The following ARL13B variants were observed in gnomAD, a reference collection of about 807,000 sequenced individuals.
ARL13B encodes ARF like GTPase 13B.
A neutral mutation model predicts 56.1 loss-of-function variants in ARL13B; 36 were observed. That is an observed-to-expected ratio of 0.64 (90% CI 0.49 to 0.85). The LOEUF (loss-of-function observed/expected upper bound fraction) is 0.85. Among genes scored for constraint, ARL13B ranks in the 40% least tolerant of loss-of-function variants. The probability of loss-of-function intolerance (pLI) is 0.00; values close to 1 mark genes in which losing one functional copy is unlikely to be tolerated. For synonymous variants in ARL13B, 178 were observed against 171.1 expected, an observed-to-expected ratio of 1.04 and a Z score of -0.32; for missense variants, 519 against 507.1, an observed-to-expected ratio of 1.02 and a Z score of -0.23.
chr3:94,039,997 G>T lies in ARL13B; in HGVS notation c.798+9G>T. On this transcript the variant is annotated intron_variant, in intron 6 of 9. Coordinates refer to ENST00000394222, the MANE Select transcript of ARL13B (RefSeq NM_001174150.2). ...CATCTGTAATCATTGAGGTATGAAT[G>T]ATGGCAAATGTAATTTTTGTATCTT... 6.2e-7 allele frequency: 1 copy of T among 1,610,006 alleles called. No homozygotes were observed. Among genetic ancestry groups the T allele is most frequent in the Non-Finnish European group, 8.5e-7 (1 of 1,176,766 alleles).
chr3:94,014,626 C>T, intron 3 of ARL13B: 1 of 1,613,488 alleles, frequency 6.2e-7, no homozygotes, highest in Non-Finnish European at 8.5e-7. Context: ...TTCCTTGTGT[C>T]TCTGTTCAAT....
chr3:94,040,140 A>G (rs1191136126), intron 6 of ARL13B, 152 bp downstream of exon 6: 1 of 694,968 alleles, frequency 1.4e-6, no homozygotes, highest in African/African-American at 1.8e-5. Flanking sequence ...AGACTGATTA[A>G]AGGTTTACTG....
At chr3:93,988,215 T>A (rs1710560892) in intron 1 of ARL13B, among the ~76,000 whole-genome samples, 2 of 151,910 alleles carry the variant, frequency 1.3e-5, no homozygotes, top group African/African-American at 4.8e-5. Context: ...CAAGGAGTGG[T>A]TTTCTTTAGG....
Position 94,039,943 on chromosome 3 carries a change from A to G in ARL13B, c.753A>G (p.Pro251=), listed in dbSNP as rs1236831070. 3.1e-6 allele frequency: 5 copies of G among 1,614,152 alleles called. No individual in the cohort carries two copies. Among genetic ancestry groups the G allele is most frequent in the South Asian group, 1.1e-5 (1 of 91,072 alleles). The change falls in exon 6 of 10, where the codon CCA becomes CCG. Residue 251 remains proline (P), a synonymous_variant. Transcript: ENST00000394222. ...CCAGTGGTCTGGCTGAGTTGGACCCAGAACCAACGAATCCTTTCCAGCCAA... is the reference window on the plus strand; with the variant it reads ...CCAGTGGTCTGGCTGAGTTGGACCCGGAACCAACGAATCCTTTCCAGCCAA... ...DGTSGLAELD[P]EPTNPFQPIA...
At chr3:94,032,502 T>C (rs2076693641) in intron 3 of ARL13B, among the ~76,000 whole-genome samples, 1 of 152,162 alleles carries the variant, frequency 6.6e-6, no homozygotes, top group Non-Finnish European at 1.5e-5. Flanking sequence ...GATTTCTTTT[T>C]TTTTTTTCTT....
chr3:94,020,676 G>A (rs536550729), intron 3 of ARL13B, among the ~76,000 whole-genome samples: 115 of 152,288 alleles, frequency 7.6e-4, no homozygotes, highest in African/African-American at 2.7e-3. Flanking sequence ...AACATTTGCT[G>A]TATTACTTTA....
chr3:94,053,470 A>G lies in ARL13B; in HGVS notation c.*207A>G. 2 of 674,268 alleles carry G rather than the reference A, an allele frequency of 3.0e-6. No individual in the cohort carries two copies. Among genetic ancestry groups the G allele is most frequent in the South Asian group, 3.0e-5 (2 of 66,502 alleles). The allele number at this position is 674,268 out of a possible 1,614,324, so 41.8% of individuals were successfully genotyped here. On this transcript the variant is annotated 3_prime_UTR_variant, in exon 10 of 10. Coordinates refer to ENST00000394222, the MANE Select transcript of ARL13B (RefSeq NM_001174150.2). ...AAAAAATAAAAGAAGCACAATGACCAGTACATGAAATCAGCATTTGGACCA... is the reference window on the plus strand; with the variant it reads ...AAAAAATAAAAGAAGCACAATGACCGGTACATGAAATCAGCATTTGGACCA...
chr3:94,003,549 G>A, intron 2 of ARL13B, 110 bp from the exon 3 acceptor site: 1 of 1,216,456 alleles, frequency 8.2e-7, no homozygotes, highest in Non-Finnish European at 1.2e-6. Context: ...AATGTTTATT[G>A]TGTCAGTGAA....
chr3:94,041,565 A>G (rs952908643), intron 6 of ARL13B, among the ~76,000 whole-genome samples: 3 of 152,196 alleles, frequency 2.0e-5, no homozygotes, highest in African/African-American at 7.2e-5. Flanking sequence ...ATACTACCCA[A>G]TTTTTAAAGA....
chr3:93,992,255 A>G (rs190326442), intron 1 of ARL13B, among the ~76,000 whole-genome samples: 201 of 152,248 alleles, frequency 1.3e-3, no homozygotes, highest in Non-Finnish European at 1.5e-3. Flanking sequence ...GAGAACAAGG[A>G]GTTATTTTTC....
Position 93,980,284 on chromosome 3 carries a change from G to T in ARL13B, c.-140G>T. The stretch of plus-strand genomic sequence containing the variant: ...GCAAGGCTTAGTGCTCGGGCCGGCC[G>T]CCTTCACTTCCCTCCCGGCTTTTCC... On this transcript the variant is annotated 5_prime_UTR_variant, in exon 1 of 10. Coordinates refer to ENST00000394222, the MANE Select transcript of ARL13B (RefSeq NM_001174150.2). 4 of 1,125,532 alleles carry T rather than the reference G, an allele frequency of 3.6e-6. No homozygotes were observed. The highest frequency in any genetic ancestry group is 5.2e-6 in the Non-Finnish European group (4 of 761,950). The allele number at this position is 1,125,532 out of a possible 1,614,324, so 69.7% of individuals were successfully genotyped here. A position where few individuals can be genotyped will look rare whatever the true frequency, so the allele number is the denominator to read the frequency against.
intron 3 of ARL13B, among the ~76,000 whole-genome samples, chr3:94,032,115 C>T (rs952047590): frequency 6.6e-6 from 1 of 152,164 alleles, no homozygotes; most frequent in Non-Finnish European, 1.5e-5. Flanking sequence ...AAGAAGTAAT[C>T]AATGGAGCAA....
chr3:94,031,813 A>G (rs755535314), intron 3 of ARL13B, among the ~76,000 whole-genome samples: 4 of 152,228 alleles, frequency 2.6e-5, no homozygotes, highest in African/African-American at 7.2e-5. Flanking sequence ...GAATAGATCA[A>G]TGGAAAAGAA....
At chr3:93,980,912 G>C (rs1345975968) in intron 1 of ARL13B, among the ~76,000 whole-genome samples, 1 of 152,096 alleles carries the variant, frequency 6.6e-6, no homozygotes, top group Non-Finnish European at 1.5e-5. Flanking sequence ...GAGGACGTGG[G>C]CTTGAAATCT....
At position 94,054,600 on chromosome 3, in the gene ARL13B, C is replaced by T; in HGVS notation, c.*1337C>T. On this transcript the variant is annotated 3_prime_UTR_variant, in exon 10 of 10. Coordinates refer to ENST00000394222, the MANE Select transcript of ARL13B (RefSeq NM_001174150.2). ...ACAGACATGTGCTAGTATCTGATAA[C>T]ATTAAGTACATTTTATGTCGTTTAA... The T allele has an allele frequency of 2.6e-6, 1 of 383,210 alleles. No homozygotes were observed. Among genetic ancestry groups the T allele is most frequent in the Non-Finnish European group, 5.1e-6 (1 of 197,410 alleles). 23.7% of individuals were successfully genotyped at this position (383,210 alleles called of 1,614,324 possible). A position where few individuals can be genotyped will look rare whatever the true frequency, so the allele number is the denominator to read the frequency against.
intron 3 of ARL13B, among the ~76,000 whole-genome samples, chr3:94,027,148 A>G (rs1445645686): frequency 6.6e-6 from 1 of 152,092 alleles, no homozygotes; most frequent in East Asian, 1.9e-4. Flanking sequence ...ACCAGTTTTT[A>G]CCCAAGAGAA....
intron 3 of ARL13B, among the ~76,000 whole-genome samples, chr3:94,029,358 T>A (rs1462552604): frequency 1.5e-5 from 2 of 136,358 alleles, no homozygotes; most frequent in African/African-American, 2.8e-5. Flanking sequence ...TATTTTTTTT[T>A]TTTTTTGAGA....
At chr3:94,012,885 G>T (rs1172053877) in intron 3 of ARL13B, among the ~76,000 whole-genome samples, 2 of 152,102 alleles carry the variant, frequency 1.3e-5, no homozygotes, top group African/African-American at 4.8e-5. Context: ...ATGGTAGATA[G>T]AATGATCTTT....
chr3:93,989,015 G>A (rs1231422078), intron 1 of ARL13B: 2 of 262,662 alleles, frequency 7.6e-6, no homozygotes, highest in South Asian at 4.0e-5. Context: ...GCGAAGCTGG[G>A]CTGCCTGGCT....
Sources: gnomAD v4.1 joint callset for allele counts (sites outside exome capture counted in the v4.1 genomes callset) on GRCh38, gnomAD v4.1.1 for gene constraint, MANE v1.5 for transcripts, NCBI Gene and HGNC (gene_info 2026-07-23, HGNC 2026-07-21) for gene names.